The following LNX1 variants were observed in gnomAD, a reference collection of about 807,000 sequenced individuals.
The protein encoded by LNX1 is ligand of numb-protein X 1, also known as E3 ubiquitin-protein ligase LNX.
In LNX1, 54 loss-of-function variants were observed where a neutral mutation model predicts 68.4. The ratio of observed to expected loss-of-function variants is 0.79; its 90% CI spans 0.63 to 0.99. The LOEUF is 0.99. LNX1 is among the 50% of genes least tolerant of loss of function. The probability of loss-of-function intolerance (pLI) is 0.00; values close to 1 mark genes in which losing one functional copy is unlikely to be tolerated. For synonymous variants in LNX1, 336 were observed against 350.0 expected (o/e 0.96, Z 0.45); for missense variants, 906 against 926.4 (o/e 0.98, Z 0.29).
intron 5 of LNX1, 148 bp downstream of exon 5, chr4:53,498,493 T>C: frequency 1.6e-6 from 1 of 633,378 alleles, no homozygotes; most frequent in South Asian, 2.0e-5. Context: ...AAATGACAAA[T>C]CTCAGAGAGT....
chr4:53,643,928 G>C (rs1212675725), intron 1 of LNX1, among the ~76,000 whole-genome samples: 1 of 152,162 alleles, frequency 6.6e-6, no homozygotes, highest in South Asian at 2.1e-4. Flanking sequence ...CTGACACAAA[G>C]CACCTTGCCA....
intron 2 of LNX1, among the ~76,000 whole-genome samples, chr4:53,613,820 AC>A (rs1424145545): frequency 6.6e-6 from 1 of 152,190 alleles, no homozygotes; most frequent in Non-Finnish European, 1.5e-5. Flanking sequence ...TTGGGTATAT[AC>A]CCAGTAATGG....
chr4:53,605,059 AGG>A (rs1733172775), intron 2 of LNX1, among the ~76,000 whole-genome samples: 1 of 152,170 alleles, frequency 6.6e-6, no homozygotes, highest in Non-Finnish European at 1.5e-5. Context: ...AGCTCAGTTA[AGG>A]GCTATGCCTA....
chr4:53,506,848 ACT>A (rs1725914713), intron 4 of LNX1, among the ~76,000 whole-genome samples: 1 of 132,462 alleles, frequency 7.5e-6, no homozygotes, highest in Non-Finnish European at 1.6e-5. Context: ...GACAAGCAAA[ACT>A]CTGTCTAAAA....
chr4:53,495,864 C>A (rs991003676), intron 6 of LNX1, among the ~76,000 whole-genome samples, 159 bp downstream of exon 6: 1 of 152,118 alleles, frequency 6.6e-6, no homozygotes, highest in Non-Finnish European at 1.5e-5. Context: ...CTTACCTGGG[C>A]AGAAGCTTTG....
At chr4:53,487,978 A>G (rs1268203428) in intron 6 of LNX1, among the ~76,000 whole-genome samples, 1 of 152,208 alleles carries the variant, frequency 6.6e-6, no homozygotes. Flanking sequence ...CTGTTCAAAT[A>G]TCATTCTCAG....
At chr4:53,565,284 T>C (rs1015534217) in intron 2 of LNX1, among the ~76,000 whole-genome samples, 8 of 152,148 alleles carry the variant, frequency 5.3e-5, no homozygotes, top group South Asian at 4.2e-4. Context: ...GTTCTCCCAG[T>C]ACGCAGCTGG....
At chr4:53,594,374 G>A (rs905174479), upstream of LNX1, among the ~76,000 whole-genome samples, 6 of 151,754 alleles carry the variant, frequency 4.0e-5, no homozygotes, top group African/African-American at 7.3e-5. Flanking sequence ...TAACTTCTGC[G>A]GCCTATCACT....
intron 2 of LNX1, among the ~76,000 whole-genome samples, chr4:53,599,008 C>T (rs1732877508): frequency 6.6e-6 from 1 of 152,158 alleles, no homozygotes; most frequent in Non-Finnish European, 1.5e-5. Context: ...GTTACAGATG[C>T]AGTTACATGA....
chr4:53,569,533 A>C (rs1373871399), intron 2 of LNX1, among the ~76,000 whole-genome samples: 34 of 136,388 alleles, frequency 2.5e-4, no homozygotes, highest in African/African-American at 9.3e-4. Context: ...TAAAGACTTA[A>C]ACGTTAGACC....
rs1180802555 is a variant in LNX1, at chr4:53,579,221, AGT to A, written c.-86-5135_-86-5134del. ...GTTTTGGCAGTTTAGAGTAAGAAAGAGTAGTGGAGTGGATTGATTCCCTCCTT... is the reference window on the plus strand; with the variant it reads ...GTTTTGGCAGTTTAGAGTAAGAAAGAAGTGGAGTGGATTGATTCCCTCCTT... On this transcript the variant is annotated intron_variant, in intron 1 of 10. Transcript: ENST00000263925. The A allele has an allele frequency of 3.2e-5, 31 of 974,388 alleles. No homozygotes were observed. The African/African-American group carries it at 4.9e-4, about 15-fold the overall frequency. 60.4% of individuals were successfully genotyped at this position (974,388 alleles called of 1,614,324 possible). A position where few individuals can be genotyped will look rare whatever the true frequency, so the allele number is the denominator to read the frequency against.
At chr4:53,645,992 G>C (rs142773441) in intron 1 of LNX1, among the ~76,000 whole-genome samples, 1 of 152,248 alleles carries the variant, frequency 6.6e-6, no homozygotes, top group African/African-American at 2.4e-5. Flanking sequence ...TAAAGGAATT[G>C]CTTTATTTAT....
chr4:53,505,920 G>T (rs1725839605), intron 4 of LNX1, among the ~76,000 whole-genome samples: 1 of 152,212 alleles, frequency 6.6e-6, no homozygotes, highest in Non-Finnish European at 1.5e-5. Flanking sequence ...GGAGGTGAAA[G>T]AAAGATATAC....
In LNX1 at chr4:53,558,318, G is replaced by A. The variant is rs1231197068; in HGVS notation, c.380+15305C>T. 13 of 1,074,596 alleles carry A rather than the reference G, an allele frequency of 1.2e-5. No homozygotes were observed. The East Asian group carries it at 8.1e-4, about 67-fold the overall frequency. 66.6% of individuals were successfully genotyped at this position (1,074,596 alleles called of 1,614,324 possible). Reference sequence around the variant, plus strand: ...GGTACATTTACATCACCGGCTGGGAGCAGACAGGCTGGGAGTTAAAATGTG... The same window carrying A: ...GGTACATTTACATCACCGGCTGGGAACAGACAGGCTGGGAGTTAAAATGTG... On this transcript the variant is annotated intron_variant, in intron 2 of 10. Transcript: ENST00000263925.
Position 53,459,785 on chromosome 4 carries a change from T to A in LNX1, c.*1122A>T. On this transcript the variant is annotated 3_prime_UTR_variant, in exon 11 of 11. Coordinates refer to ENST00000263925, the MANE Select transcript of LNX1 (RefSeq NM_001126328.3). ...CAAGGGTTCCACTTGGGCCACAGTT[T>A]TTTTGTTAATCAAACACCACTCTCT... 3.1e-6 allele frequency: 1 copy of A among 320,978 alleles called. No homozygotes were observed. Among genetic ancestry groups the A allele is most frequent in the South Asian group, 4.8e-5 (1 of 20,834 alleles). The allele number at this position is 320,978 out of a possible 1,614,324, so 19.9% of individuals were successfully genotyped here.
rs756281682 is a variant in LNX1 at position 53,507,464 on chromosome 4, G to C, written c.628C>G (p.Pro210Ala). 39 of 1,613,960 alleles carry C rather than the reference G, an allele frequency of 2.4e-5. 1 individual carries two copies. The Middle Eastern group carries it at 6.6e-4, about 27-fold the overall frequency. The change falls in exon 4 of 11, where the codon CCC becomes GCC. Residue 210 changes from proline (P) to alanine (A), a missense_variant. By Grantham distance (27) the Pro-to-Ala change is conservative. Coordinates refer to ENST00000263925, the MANE Select transcript of LNX1 (RefSeq NM_001126328.3). ...SGRSNRTRAR[P>A]FERSTIRSRS... ...CTTCTAATAGTGGATCTCTCAAAGGGCCGTGCTGAGGAATAGCGACAGGAG... is the reference window on the plus strand; with the variant it reads ...CTTCTAATAGTGGATCTCTCAAAGGCCCGTGCTGAGGAATAGCGACAGGAG...
chr4:53,638,577 A>G (rs1317552685), intron 1 of LNX1, among the ~76,000 whole-genome samples: 1 of 152,142 alleles, frequency 6.6e-6, no homozygotes, highest in Non-Finnish European at 1.5e-5. Context: ...TTTGCAGACT[A>G]CTTAGTGCCC....
chr4:53,582,635 C>T (rs1177112023), intron 1 of LNX1, among the ~76,000 whole-genome samples: 4 of 152,204 alleles, frequency 2.6e-5, no homozygotes, highest in Non-Finnish European at 5.9e-5. Flanking sequence ...GTTTCAAACA[C>T]ACAAGGGCTA....
rs549268463 is a variant in LNX1 at position 53,460,289 on chromosome 4, T to G, written c.*618A>C. Reference sequence around the variant, plus strand: ...CATTTCTTACTAAAAACAAAACAAGTTTATAATTAATTCTCTGAGCGAGCA... The same window carrying G: ...CATTTCTTACTAAAAACAAAACAAGGTTATAATTAATTCTCTGAGCGAGCA... On this transcript the variant is annotated 3_prime_UTR_variant, in exon 11 of 11. Transcript: ENST00000263925. The G allele has an allele frequency of 1.5e-3, 280 of 190,508 alleles. 2 individuals carry two copies. Among genetic ancestry groups the G allele is most frequent in the South Asian group, 8.7e-3 (45 of 5,148 alleles). The allele number at this position is 190,508 out of a possible 1,614,324, so 11.8% of individuals were successfully genotyped here.
Sources: allele counts gnomAD v4.1 joint callset (sites outside exome capture counted in the v4.1 genomes callset), GRCh38; gene constraint gnomAD v4.1.1; transcripts MANE v1.5; gene names NCBI Gene and HGNC (gene_info 2026-07-23, HGNC 2026-07-21).